Variants in AUTS2 observed in about 807,000 individuals in gnomAD.
The protein encoded by AUTS2 is autism susceptibility gene 2 protein.
In AUTS2, 17 loss-of-function variants were observed where a neutral mutation model predicts 112.4. That is an observed-to-expected ratio of 0.15 (90% CI 0.10 to 0.23). The LOEUF (loss-of-function observed/expected upper bound fraction) is 0.23, where lower values mean the gene tolerates loss of function less well. Ranked by LOEUF, AUTS2 falls within the 10% of genes least tolerant of loss-of-function variation. The pLI, the probability that AUTS2 is intolerant of heterozygous loss-of-function variation, is 1.00. For synonymous variants in AUTS2, 751 were observed against 702.7 expected (o/e 1.07, Z -1.09); for missense variants, 1,510 against 1,701.6 (o/e 0.89, Z 1.98).
chr7:70,621,750 T>C (rs1053971823), intron 5 of AUTS2, among the ~76,000 whole-genome samples: 1 of 150,034 alleles, frequency 6.7e-6, no homozygotes, highest in Non-Finnish European at 1.5e-5. Flanking sequence ...GTACAAACTA[T>C]AGCAAACACA....
In AUTS2 at chr7:70,762,905, G is replaced by C. The variant is rs754722667; in HGVS notation, c.778G>C (p.Asp260His). Residue 260 changes from aspartate (D) to histidine (H), a missense_variant, in exon 7 of 19, where the codon GAC becomes CAC. This residue lies in a region of AUTS2 where 535 missense variants were observed against 594.3 expected (regional missense o/e 0.90). Transcript: ENST00000342771. ...ELGVGTLPEH[D>H]SQDAGPIVPK... ...AGGTGTTGGCACGCTACCAGAACAT[G>C]ACAGCCAGGATGCAGGGCCGATTGT... is the stretch of plus-strand genomic sequence containing the variant. 3 of 1,614,050 alleles carry C rather than the reference G, an allele frequency of 1.9e-6. No individual in the cohort carries two copies. Among genetic ancestry groups the C allele is most frequent in the Non-Finnish European group, 1.7e-6 (2 of 1,179,992 alleles).
chr7:69,844,072 A>G lies in AUTS2; in HGVS notation c.310-55214A>G, dbSNP rs563047540. On this transcript the variant is annotated intron_variant, in intron 1 of 18. Transcript: ENST00000342771. Reference sequence around the variant, plus strand: ...CGTTACTCTGCTTATTCCCCTATTCATCATTTGGCTGATTGAATACTGAAG... The same window carrying G: ...CGTTACTCTGCTTATTCCCCTATTCGTCATTTGGCTGATTGAATACTGAAG... 1.2e-3 allele frequency among the ~76,000 whole-genome samples: 187 copies of G among 152,282 alleles called. 2 individuals carry two copies. Among genetic ancestry groups the G allele is most frequent in the African/African-American group, 4.3e-3 (180 of 41,564 alleles).
At chr7:69,729,612 T>C (rs1385112127) in intron 1 of AUTS2, among the ~76,000 whole-genome samples, 3 of 152,140 alleles carry the variant, frequency 2.0e-5, no homozygotes, top group African/African-American at 7.2e-5. Flanking sequence ...ATACTTTATA[T>C]TCTTCTGTTG....
chr7:70,286,167 C>A (rs564257485), intron 4 of AUTS2, among the ~76,000 whole-genome samples: 1 of 152,248 alleles, frequency 6.6e-6, no homozygotes, highest in Non-Finnish European at 1.5e-5. Context: ...AGAAAGCAGG[C>A]CTTCAGAGAG....
At chr7:69,891,059 T>C (rs1794497532) in intron 1 of AUTS2, among the ~76,000 whole-genome samples, 1 of 152,176 alleles carries the variant, frequency 6.6e-6, no homozygotes, top group Non-Finnish European at 1.5e-5. Context: ...CATGTGTATA[T>C]ACCCATGAAA....
At chr7:70,758,146 AG>A (rs1789340774) in intron 6 of AUTS2, among the ~76,000 whole-genome samples, 1 of 152,146 alleles carries the variant, frequency 6.6e-6, no homozygotes, top group Non-Finnish European at 1.5e-5. Context: ...TTTCCACAAA[AG>A]ATAGTAAATG....
intron 2 of AUTS2, among the ~76,000 whole-genome samples, chr7:70,071,061 C>T (rs999784812): frequency 1.3e-5 from 2 of 152,066 alleles, no homozygotes; most frequent in Admixed American, 1.3e-4. Flanking sequence ...ACTCTTAGGA[C>T]CTTTCTGTGT....
intron 11 of AUTS2, 122 bp downstream of exon 11, chr7:70,771,766 C>T (rs1790362352): frequency 1.4e-6 from 1 of 728,536 alleles, no homozygotes; most frequent in African/African-American, 1.7e-5. Flanking sequence ...CCTAAGTGAC[C>T]ACTGGGATTA....
chr7:70,496,225 C>A (rs1187380225), intron 5 of AUTS2, among the ~76,000 whole-genome samples: 4 of 137,220 alleles, frequency 2.9e-5, no homozygotes, highest in Admixed American at 1.5e-4. Context: ...ATCACACACA[C>A]CACGTACACA....
intron 6 of AUTS2, among the ~76,000 whole-genome samples, chr7:70,741,552 G>A (rs546795482): frequency 4.6e-5 from 7 of 152,064 alleles, no homozygotes; most frequent in East Asian, 1.9e-4. Context: ...TTATCCGGGC[G>A]TGGTGGCACA....
chr7:70,439,421 C>T (rs1456592951), intron 5 of AUTS2, among the ~76,000 whole-genome samples: 4 of 151,764 alleles, frequency 2.6e-5, no homozygotes, highest in East Asian at 1.9e-4. Flanking sequence ...TGCCTGTAGT[C>T]GCAGCTACTC....
intron 5 of AUTS2, among the ~76,000 whole-genome samples, chr7:70,524,480 C>T (rs1055270245): frequency 2.6e-5 from 4 of 152,200 alleles, no homozygotes; most frequent in Non-Finnish European, 5.9e-5. Flanking sequence ...TACATGCCTA[C>T]ATTAACTGGT....
intron 1 of AUTS2, among the ~76,000 whole-genome samples, chr7:69,898,713 T>A (rs17459131): frequency 0.015 from 2,228 of 152,294 alleles, 22 homozygotes; most frequent in Non-Finnish European, 0.023. Flanking sequence ...ATAATATTGT[T>A]GTTACATTTT....
chr7:69,834,361 T>C (rs1293156299), intron 1 of AUTS2, among the ~76,000 whole-genome samples: 2 of 152,196 alleles, frequency 1.3e-5, no homozygotes, highest in African/African-American at 4.8e-5. Context: ...TTTTAGATGG[T>C]GTTCCTCACT....
At chr7:69,937,163 GT>G (rs1397995241) in intron 2 of AUTS2, among the ~76,000 whole-genome samples, 2 of 152,204 alleles carry the variant, frequency 1.3e-5, no homozygotes, top group Non-Finnish European at 2.9e-5. Context: ...CCTCCAGGTT[GT>G]TCCTAACCCT....
chr7:69,998,211 A>G (rs1374029809), intron 2 of AUTS2, among the ~76,000 whole-genome samples: 1 of 152,008 alleles, frequency 6.6e-6, no homozygotes, highest in African/African-American at 2.4e-5. Context: ...TCAAACTGTA[A>G]ACTATACTCA....
At chr7:70,635,399 A>G (rs1563091224) in intron 5 of AUTS2, among the ~76,000 whole-genome samples, 1 of 152,132 alleles carries the variant, frequency 6.6e-6, no homozygotes, top group Admixed American at 6.5e-5. Flanking sequence ...GCTGCCTTTT[A>G]GTGGAGATAG....
At chr7:70,571,693 G>A (rs1303063334) in intron 5 of AUTS2, among the ~76,000 whole-genome samples, 1 of 152,204 alleles carries the variant, frequency 6.6e-6, no homozygotes, top group African/African-American at 2.4e-5. Flanking sequence ...GGAAACTTTC[G>A]CCTCTGTGGA....
chr7:70,214,600 G>C (rs895214650), intron 4 of AUTS2, among the ~76,000 whole-genome samples: 7 of 152,066 alleles, frequency 4.6e-5, no homozygotes, highest in African/African-American at 1.2e-4. Flanking sequence ...TGTGCACCCT[G>C]TTTGAATAAT....
Sources: allele counts gnomAD v4.1 joint callset (sites outside exome capture counted in the v4.1 genomes callset), GRCh38; gene constraint gnomAD v4.1.1; regional missense constraint gnomAD v4.1.1; transcripts MANE v1.5; gene names NCBI Gene and HGNC (gene_info 2026-07-23, HGNC 2026-07-21).